PRDM2: variants seen among roughly 807,000 people sequenced by gnomAD.
PRDM2 encodes the protein PR domain zinc finger protein 2.
PRDM2 carries 30 observed loss-of-function variants against 130.0 expected under a neutral mutation model. The ratio of observed to expected loss-of-function variants is 0.23; its 90% CI spans 0.17 to 0.31. The LOEUF (loss-of-function observed/expected upper bound fraction) is 0.31. Among genes scored for constraint, PRDM2 ranks in the 10% least tolerant of loss-of-function variants. PRDM2 has a pLI of 1.00. For synonymous variants in PRDM2, 871 were observed against 782.4 expected (o/e 1.11, Z -1.89); for missense variants, 2,011 against 2,108.4 (o/e 0.95, Z 0.90).
At chr1:13,764,593 C>T (rs974484899) in intron 6 of PRDM2, among the ~76,000 whole-genome samples, 4 of 152,188 alleles carry the variant, frequency 2.6e-5, no homozygotes, top group African/African-American at 7.2e-5. Flanking sequence ...CATAAAAGCT[C>T]GGACTCCCTT....
rs749801592 is a variant in PRDM2 at position 13,782,414 on chromosome 1, G to T, written c.4619G>T (p.Gly1540Val). 5 of 1,613,772 alleles carry T rather than the reference G, an allele frequency of 3.1e-6. No homozygotes were observed. The East Asian group carries it at 1.1e-4, about 36-fold the overall frequency. ...GGCAAGACCAGAGCCCGCAGCTCAG[G>T]CCCCACCCAAGTCCCACTTCCCTCC... is the stretch of plus-strand genomic sequence containing the variant. ...PLGKTRARSS[G>V]PTQVPLPSSS... The change falls in exon 8 of 10, where the codon GGC becomes GTC. Residue 1540 changes from glycine (G) to valine (V), a missense_variant. Gly to Val is a moderately radical substitution (Grantham distance 109). This residue lies in a region of PRDM2 where 410 missense variants were observed against 395.9 expected (regional missense o/e 1.04). Transcript: ENST00000311066.
chr1:13,710,658 A>T (rs1428459955), intron 1 of PRDM2, among the ~76,000 whole-genome samples: 1 of 152,218 alleles, frequency 6.6e-6, no homozygotes, highest in African/African-American at 2.4e-5. Context: ...CAAATATTCA[A>T]GAAGGTTTGA....
At chr1:13,737,826 A>G (rs116572816) in intron 4 of PRDM2, among the ~76,000 whole-genome samples, 2,248 of 152,248 alleles carry the variant, frequency 0.015, 26 homozygotes, top group South Asian at 0.036. Context: ...TTTAACCCCT[A>G]TTAAGCTTTT....
chr1:13,792,591 G>A (rs1644857436), intron 8 of PRDM2, among the ~76,000 whole-genome samples: 1 of 152,156 alleles, frequency 6.6e-6, no homozygotes. Context: ...TTGGACTTGT[G>A]AATTCAGGCA....
chr1:13,780,000 G>A lies in PRDM2; in HGVS notation c.2205G>A (p.Arg735=), dbSNP rs567249257. Residue 735 remains arginine, a synonymous_variant, in exon 8 of 10, where the codon AGG becomes AGA. Transcript: ENST00000311066. The surrounding 1 kb of genome is among the most constrained non-coding windows in gnomAD (Gnocchi z 4.9). The part of the protein sequence containing the change: ...MLPVTSSRFK[R]RTSSPPSSPQ... ...CTGTGACCTCAAGTAGGTTTAAGAGGCGGACCAGCTCTCCTCCCAGTTCTC... is the reference window on the plus strand; with the variant it reads ...CTGTGACCTCAAGTAGGTTTAAGAGACGGACCAGCTCTCCTCCCAGTTCTC... The A allele has an allele frequency of 3.7e-6, 6 of 1,614,084 alleles. No homozygotes were observed. The highest frequency in any genetic ancestry group is 5.1e-6 in the Non-Finnish European group (6 of 1,180,050).
chr1:13,776,672 TTCCATTCTCAGTCCTCATTTTA>T (rs1239728715), intron 7 of PRDM2, among the ~76,000 whole-genome samples: 3 of 152,226 alleles, frequency 2.0e-5, no homozygotes, highest in African/African-American at 7.2e-5. Flanking sequence ...AGATGGAATG[TTCCATTCTCAGTCCTCATTTTA>T]TCCAACCCAT....
At chr1:13,811,438 G>A (rs1347615681) in intron 8 of PRDM2, among the ~76,000 whole-genome samples, 4 of 152,150 alleles carry the variant, frequency 2.6e-5, no homozygotes, top group East Asian at 1.9e-4. Context: ...TGCTGGGAGC[G>A]CACAGGCTGT....
chr1:13,746,995 T>C (rs1411690490), intron 5 of PRDM2, among the ~76,000 whole-genome samples: 4 of 152,256 alleles, frequency 2.6e-5, no homozygotes, highest in Non-Finnish European at 4.4e-5. Flanking sequence ...GCAACAAGAA[T>C]ATCTTAGGAC....
At chr1:13,746,885 C>A (rs1267520358) in intron 5 of PRDM2, among the ~76,000 whole-genome samples, 1 of 152,180 alleles carries the variant, frequency 6.6e-6, no homozygotes, top group East Asian at 1.9e-4. Flanking sequence ...TAGCAGCTAA[C>A]GAATGTGTTC....
chr1:13,763,418 T>G (rs1295679125), intron 6 of PRDM2, among the ~76,000 whole-genome samples: 2 of 152,202 alleles, frequency 1.3e-5, no homozygotes, highest in East Asian at 1.9e-4. Flanking sequence ...TAATGGTATC[T>G]CTTGTATTTT....
intron 7 of PRDM2, among the ~76,000 whole-genome samples, chr1:13,773,870 G>A (rs985814757): frequency 1.3e-5 from 2 of 152,114 alleles, no homozygotes; most frequent in African/African-American, 4.8e-5. Context: ...GGTCACATGG[G>A]TATATATATT....
Position 13,779,319 on chromosome 1 carries a change from T to A in PRDM2, c.1524T>A (p.Arg508=). 1 of 1,614,084 alleles carries A rather than the reference T, an allele frequency of 6.2e-7. No homozygotes were observed. ...MRRHQRRVHE[R]HLIPKGVRRK... is the part of the protein sequence containing the mutation. ...GGCATCAGCGTAGAGTTCACGAACG[T>A]CATCTGATTCCCAAAGGTGTACGGC... Residue 508 remains arginine, a synonymous_variant, in exon 8 of 10, where the codon CGT becomes CGA. Coordinates refer to ENST00000311066, the MANE Select transcript of PRDM2 (RefSeq NM_001393986.1). This position sits in a 1 kb window ranked among gnomAD's most constrained non-coding sequence, Gnocchi z 4.9.
At chr1:13,789,069 C>T (rs1444768668) in intron 8 of PRDM2, among the ~76,000 whole-genome samples, 5 of 152,058 alleles carry the variant, frequency 3.3e-5, no homozygotes, top group Non-Finnish European at 7.4e-5. Context: ...CCACAGTGTC[C>T]CTGGCTCTGC....
At position 13,780,136 on chromosome 1, in the gene PRDM2, T is replaced by A; in HGVS notation, c.2341T>A (p.Ser781Thr). 1 of 1,609,796 alleles carries A rather than the reference T, an allele frequency of 6.2e-7. No individual in the cohort carries two copies. Among genetic ancestry groups the A allele is most frequent in the South Asian group, 1.1e-5 (1 of 90,706 alleles). ...ATCCAAATTAGAAAGTCACAGCGACTCACCAGCATGGAGTTTGTCTGGGAG... is the reference window on the plus strand; with the variant it reads ...ATCCAAATTAGAAAGTCACAGCGACACACCAGCATGGAGTTTGTCTGGGAG... ...KKSKLESHSD[S>T]PAWSLSGRDE... The change falls in exon 8 of 10, where the codon TCA becomes ACA. Residue 781 changes from serine to threonine, a missense_variant. Around this residue, in one of 5 missense-constraint regions of PRDM2, gnomAD observed 1,288 missense variants for 1,237.7 expected, o/e 1.04. Transcript: ENST00000311066.
At chr1:13,756,663 C>A (rs1222218470) in intron 6 of PRDM2, among the ~76,000 whole-genome samples, 2 of 152,168 alleles carry the variant, frequency 1.3e-5, no homozygotes, top group African/African-American at 4.8e-5. Flanking sequence ...TACAAGAGTT[C>A]TTGGATGAAT....
intron 8 of PRDM2, among the ~76,000 whole-genome samples, chr1:13,799,060 C>G (rs1343924026): frequency 6.6e-6 from 1 of 152,190 alleles, no homozygotes; most frequent in Non-Finnish European, 1.5e-5. Flanking sequence ...GTAACAAACA[C>G]AAGCACTCCA....
At chr1:13,748,954 C>G (rs989421476) in intron 5 of PRDM2, among the ~76,000 whole-genome samples, 2 of 152,224 alleles carry the variant, frequency 1.3e-5, no homozygotes, top group Non-Finnish European at 2.9e-5. Context: ...CGTTGTCTTT[C>G]AGCACTCCGC....
intron 6 of PRDM2, among the ~76,000 whole-genome samples, chr1:13,766,862 A>G (rs1305165038): frequency 6.6e-6 from 1 of 152,230 alleles, no homozygotes; most frequent in Non-Finnish European, 1.5e-5. Flanking sequence ...ATGAATTTTT[A>G]ATGTAACTTG....
At chr1:13,719,770 A>C (rs1642663349) in intron 2 of PRDM2, among the ~76,000 whole-genome samples, 1 of 133,942 alleles carries the variant, frequency 7.5e-6, no homozygotes, top group Non-Finnish European at 1.6e-5. Flanking sequence ...ATTTCAGTAA[A>C]CTGAAGCTTG....
Sources: allele counts gnomAD v4.1 joint callset (sites outside exome capture counted in the v4.1 genomes callset), GRCh38; gene constraint gnomAD v4.1.1; regional missense constraint gnomAD v4.1.1; non-coding constraint Gnocchi (gnomAD v3.1); transcripts MANE v1.5; gene names NCBI Gene and HGNC (gene_info 2026-07-23, HGNC 2026-07-21).